RORA: variants seen among roughly 807,000 people sequenced by gnomAD.
RORA encodes RAR related orphan receptor A, also known as nuclear receptor ROR-alpha.
In RORA, 7 loss-of-function variants were observed where a neutral mutation model predicts 69.5. That is an observed-to-expected ratio of 0.10 (90% CI 0.06 to 0.19). RORA has a LOEUF of 0.19. RORA is among the 10% of genes least tolerant of loss of function. The pLI is 1.00. For missense variants in RORA, 457 were observed against 663.0 expected, an observed-to-expected ratio of 0.69 and a Z score of 3.41; for synonymous variants, 261 against 240.8, an observed-to-expected ratio of 1.08 and a Z score of -0.78.
chr15:61,151,774 T>TTG (rs1222984657), intron 1 of RORA, among the ~76,000 whole-genome samples: 1 of 152,224 alleles, frequency 6.6e-6, no homozygotes, highest in African/African-American at 2.4e-5. Context: ...GCATGTACTT[T>TTG]AAATTCAGCA....
chr15:61,020,432 C>A (rs531524024), intron 1 of RORA, among the ~76,000 whole-genome samples: 5 of 152,196 alleles, frequency 3.3e-5, no homozygotes. Context: ...GCTGCTTCTT[C>A]GCAAACAGAC....
chr15:61,229,036 C>T lies in RORA; in HGVS notation c.166+17G>A. ...GGCTCCCGCCGCCCCCTCCCCAGCC[C>T]CTCTCCAGCCTCCTACCTCTGCTGG... On this transcript the variant is annotated intron_variant, in intron 1 of 10. Transcript: ENST00000335670. The T allele has an allele frequency of 2.0e-6, 3 of 1,468,402 alleles. No homozygotes were observed. Among genetic ancestry groups the T allele is most frequent in the Non-Finnish European group, 9.1e-7 (1 of 1,104,516 alleles). 91.0% of individuals were successfully genotyped at this position (1,468,402 alleles called of 1,614,324 possible). A position where few individuals can be genotyped will look rare whatever the true frequency, so the allele number is the denominator to read the frequency against.
At chr15:60,562,410 A>ATT (rs200001389) in intron 2 of RORA, among the ~76,000 whole-genome samples, 1 of 129,074 alleles carries the variant, frequency 7.7e-6, no homozygotes, top group South Asian at 2.4e-4. Flanking sequence ...TAGTTTTTAC[A>ATT]TTTTTTTTTT....
chr15:60,939,991 C>T (rs1892643646), intron 1 of RORA, among the ~76,000 whole-genome samples: 1 of 152,210 alleles, frequency 6.6e-6, no homozygotes, highest in Admixed American at 6.5e-5. Context: ...CATTACAGAA[C>T]ACTAAATAGG....
At chr15:61,212,344 G>A (rs551633414) in intron 1 of RORA, among the ~76,000 whole-genome samples, 10 of 152,202 alleles carry the variant, frequency 6.6e-5, no homozygotes, top group African/African-American at 2.4e-4. Context: ...AATGCAACCC[G>A]AAACAGCAAA....
intron 1 of RORA, among the ~76,000 whole-genome samples, chr15:61,175,609 C>T (rs1398345492): frequency 9.4e-6 from 1 of 106,126 alleles, no homozygotes; most frequent in Non-Finnish European, 2.4e-5. Context: ...CTTGGAAGGG[C>T]TGATGTGGGG....
intron 1 of RORA, among the ~76,000 whole-genome samples, chr15:60,733,750 T>C (rs557652903): frequency 6.6e-6 from 1 of 152,214 alleles, no homozygotes; most frequent in East Asian, 1.9e-4. Context: ...AGCATGGCCA[T>C]GGGAGCAGAG....
In RORA at chr15:61,014,141, C is replaced by A. The variant is rs561823958; in HGVS notation, c.166+214912G>T. On this transcript the variant is annotated intron_variant, in intron 1 of 10. Coordinates refer to ENST00000335670, the MANE Select transcript of RORA (RefSeq NM_134261.3). ...AGTACTCTTGGTCAAGTAGATACAG[C>A]AGGATCCAAAACCAGTTAAATCACT... is the stretch of plus-strand genomic sequence containing the variant. 2.5e-3 allele frequency among the ~76,000 whole-genome samples: 376 copies of A among 152,266 alleles called. 4 individuals are homozygous for A. The highest frequency in any genetic ancestry group is 8.6e-3 in the African/African-American group (358 of 41,550).
At chr15:61,003,135 C>CA (rs1247223012) in intron 1 of RORA, among the ~76,000 whole-genome samples, 919 of 84,044 alleles carry the variant, frequency 0.011, 4 homozygotes, top group African/African-American at 0.027. Context: ...GACTCAGTCT[C>CA]AAAAAAAAAA....
At chr15:60,724,161 C>A (rs1040663085) in intron 1 of RORA, among the ~76,000 whole-genome samples, 1 of 152,122 alleles carries the variant, frequency 6.6e-6, no homozygotes, top group Non-Finnish European at 1.5e-5. Context: ...CTCAAATCCT[C>A]TTGGGAAATA....
intron 1 of RORA, among the ~76,000 whole-genome samples, chr15:61,019,399 AT>A (rs1240204641): frequency 1.3e-5 from 2 of 152,274 alleles, no homozygotes; most frequent in Non-Finnish European, 1.5e-5. Flanking sequence ...TTGTGTAGTA[AT>A]TCCTAGTGTT....
chr15:61,189,348 C>T (rs1200690015), intron 1 of RORA, among the ~76,000 whole-genome samples: 2 of 152,186 alleles, frequency 1.3e-5, no homozygotes, highest in East Asian at 1.9e-4. Context: ...CCTGTATCCA[C>T]GCACTCTATT....
chr15:61,004,290 G>A (rs189904408), intron 1 of RORA, among the ~76,000 whole-genome samples: 3 of 151,748 alleles, frequency 2.0e-5, no homozygotes, highest in African/African-American at 4.9e-5. Flanking sequence ...GAAAGAGAGA[G>A]AGACAGACTA....
At chr15:60,885,704 T>G (rs753130834) in intron 1 of RORA, among the ~76,000 whole-genome samples, 1 of 152,226 alleles carries the variant, frequency 6.6e-6, no homozygotes, top group Non-Finnish European at 1.5e-5. Flanking sequence ...TGCAGTACAA[T>G]GCAAATGCTA....
chr15:61,135,210 A>C (rs2079225846), intron 1 of RORA, among the ~76,000 whole-genome samples: 1 of 151,366 alleles, frequency 6.6e-6, no homozygotes, highest in South Asian at 2.1e-4. Context: ...ACGTGCCTGC[A>C]GTCCCAACTA....
At chr15:60,678,876 A>G (rs2070595650) in intron 1 of RORA, among the ~76,000 whole-genome samples, 190 bp from the exon 2 acceptor site, 3 of 152,192 alleles carry the variant, frequency 2.0e-5, no homozygotes, top group Admixed American at 2.0e-4. Context: ...CTGATGAGGC[A>G]GCGACCATCA....
At chr15:61,224,419 C>A (rs1308881271) in intron 1 of RORA, among the ~76,000 whole-genome samples, 1 of 152,158 alleles carries the variant, frequency 6.6e-6, no homozygotes, top group Non-Finnish European at 1.5e-5. Context: ...ATTTGGCTTC[C>A]ACAGAAGTGT....
intron 1 of RORA, among the ~76,000 whole-genome samples, chr15:60,808,085 A>G (rs778892100): frequency 1.3e-5 from 2 of 152,206 alleles, no homozygotes; most frequent in Non-Finnish European, 2.9e-5. Flanking sequence ...GGGACTTAAT[A>G]AAATTAAAAA....
At chr15:60,536,457 A>G (rs186701208) in intron 2 of RORA, among the ~76,000 whole-genome samples, 81 of 152,370 alleles carry the variant, frequency 5.3e-4, no homozygotes, top group African/African-American at 1.7e-3. Context: ...AGTTCCTACC[A>G]GCTACCACAG....
Sources: allele counts gnomAD v4.1 joint callset (sites outside exome capture counted in the v4.1 genomes callset), GRCh38; gene constraint gnomAD v4.1.1; transcripts MANE v1.5; gene names NCBI Gene and HGNC (gene_info 2026-07-23, HGNC 2026-07-21).